ST3GAL2: variants seen among roughly 807,000 people sequenced by gnomAD.
The protein encoded by ST3GAL2 is ST3 beta-galactoside alpha-2,3-sialyltransferase 2, also known as CMP-N-acetylneuraminate-beta-galactosamide-alpha-2,3-sialyltransferase 2.
Under a neutral mutation model 37.5 loss-of-function variants are expected in ST3GAL2, and 16 were observed. That is an observed-to-expected ratio of 0.43 (90% CI 0.29 to 0.65). The LOEUF (loss-of-function observed/expected upper bound fraction) is 0.65. ST3GAL2 is among the 30% of genes least tolerant of loss of function. The pLI is 0.17. For synonymous variants in ST3GAL2, 238 were observed against 202.9 expected, an observed-to-expected ratio of 1.17 and a Z score of -1.47; for missense variants, 383 against 487.8, an observed-to-expected ratio of 0.79 and a Z score of 2.02.
chr16:70,434,989 C>G (rs985321485), intron 1 of ST3GAL2, among the ~76,000 whole-genome samples: 3 of 152,226 alleles, frequency 2.0e-5, no homozygotes, highest in African/African-American at 7.2e-5. Flanking sequence ...GGTATCCTGT[C>G]CAGTGTGCAG....
chr16:70,391,184 A>G (rs1480895215), intron 3 of ST3GAL2, among the ~76,000 whole-genome samples: 1 of 152,170 alleles, frequency 6.6e-6, no homozygotes, highest in African/African-American at 2.4e-5. Flanking sequence ...TGTGCTGTCC[A>G]GGATCACTGT....
intron 1 of ST3GAL2, among the ~76,000 whole-genome samples, chr16:70,410,240 CTTTTT>C (rs751045679): frequency 1.0e-3 from 64 of 62,618 alleles, no homozygotes; most frequent in African/African-American, 4.5e-3. Flanking sequence ...CCACCCTCAC[CTTTTT>C]TTTTTTTTTT....
At chr16:70,415,027 C>G (rs1431340656) in intron 1 of ST3GAL2, among the ~76,000 whole-genome samples, 2 of 152,118 alleles carry the variant, frequency 1.3e-5, no homozygotes, top group Non-Finnish European at 2.9e-5. Context: ...GCGTCCGCCA[C>G]CAAACCTGGC....
rs139634894 is a variant in ST3GAL2 at position 70,427,878 on chromosome 16, C to T, written c.-1004+11071G>A. Among the ~76,000 whole-genome samples the T allele has an allele frequency of 9.9e-4, 151 of 152,336 alleles. 1 individual carries two copies. The highest frequency in any genetic ancestry group is 3.4e-3 in the African/African-American group (142 of 41,578). ...CCTCCAGCAGTCCTAACCACTTAAG[C>T]CCCAGATCTACTAAACGGACCCCCT... On this transcript the variant is annotated intron_variant, in intron 1 of 6. Coordinates refer to ENST00000342907, the MANE Select transcript of ST3GAL2 (RefSeq NM_006927.4).
At chr16:70,384,646 A>T (rs961740944) in intron 4 of ST3GAL2, among the ~76,000 whole-genome samples, 4 of 146,566 alleles carry the variant, frequency 2.7e-5, no homozygotes, top group African/African-American at 5.1e-5. Context: ...CTGAGGTTGC[A>T]GTGAGCCGAC....
At position 70,435,330 on chromosome 16, in the gene ST3GAL2, T is replaced by TC. The variant is rs200833775; in HGVS notation, c.-1004+3618dup. On this transcript the variant is annotated intron_variant, in intron 1 of 6. Transcript: ENST00000342907. ...CATCTAGCTGGCTGGGCGCAGTGGT[T>TC]CACGCCTGTAATCCCAGCACTTTCG... 6.7e-3 allele frequency among the ~76,000 whole-genome samples: 1,023 copies of TC among 152,304 alleles called. 17 individuals carry two copies. The highest frequency in any genetic ancestry group is 0.022 in the African/African-American group (933 of 41,564).
chr16:70,431,336 G>T (rs2047788411), intron 1 of ST3GAL2, among the ~76,000 whole-genome samples: 1 of 152,210 alleles, frequency 6.6e-6, no homozygotes, highest in African/African-American at 2.4e-5. Flanking sequence ...CTGAGGCTGG[G>T]GGGCTGCTGC....
At chr16:70,438,799 A>C (rs965654685) in intron 1 of ST3GAL2, 150 bp downstream of exon 1, 16 of 151,986 alleles carry the variant, frequency 1.1e-4, no homozygotes, top group African/African-American at 3.9e-4. Context: ...CACACGAGGG[A>C]GCCCGGCGCC....
intron 1 of ST3GAL2, among the ~76,000 whole-genome samples, chr16:70,423,749 TCAC>T (rs2047731683): frequency 6.7e-6 from 1 of 149,132 alleles, no homozygotes; most frequent in Admixed American, 6.7e-5. Flanking sequence ...TGATCTCGGC[TCAC>T]CACAACCTCC....
intron 1 of ST3GAL2, among the ~76,000 whole-genome samples, chr16:70,420,689 T>C (rs112597104): frequency 2.0e-5 from 3 of 152,236 alleles, no homozygotes; most frequent in African/African-American, 7.2e-5. Flanking sequence ...TTTTTATTCT[T>C]TGCACGCCCT....
intron 3 of ST3GAL2, among the ~76,000 whole-genome samples, chr16:70,391,848 G>A (rs1185066531): frequency 1.3e-5 from 2 of 152,216 alleles, no homozygotes; most frequent in Non-Finnish European, 2.9e-5. Flanking sequence ...GGCTCAATCA[G>A]TTCTCTCGCC....
intron 1 of ST3GAL2, among the ~76,000 whole-genome samples, chr16:70,431,463 C>G (rs995545809): frequency 6.6e-6 from 1 of 152,196 alleles, no homozygotes; most frequent in Non-Finnish European, 1.5e-5. Flanking sequence ...TGCCACCTCC[C>G]AGGAGGACGG....
In ST3GAL2 at chr16:70,379,137, T is replaced by G. The variant is rs1345145880; in HGVS notation, c.*2552A>C. 6.6e-6 allele frequency: 1 copy of G among 152,230 alleles called. No homozygotes were observed. Among genetic ancestry groups the G allele is most frequent in the South Asian group, 2.1e-4 (1 of 4,832 alleles). The allele number at this position is 152,230 out of a possible 1,614,324, so 9.4% of individuals were successfully genotyped here. On this transcript the variant is annotated 3_prime_UTR_variant, in exon 7 of 7. Transcript: ENST00000342907. ...TGAGAGGTGGGGACAGCCCAGCCTG[T>G]GGCCACCCAAATGTATCGGAGCCTG...
intron 1 of ST3GAL2, among the ~76,000 whole-genome samples, chr16:70,413,885 G>A (rs867879960): frequency 1.2e-4 from 19 of 152,130 alleles, no homozygotes; most frequent in Middle Eastern, 3.4e-3. Context: ...GCTCCAAATG[G>A]AACACTTTAT....
intron 1 of ST3GAL2, among the ~76,000 whole-genome samples, chr16:70,420,483 G>A (rs2047707576): frequency 6.6e-6 from 1 of 152,140 alleles, no homozygotes; most frequent in Admixed American, 6.5e-5. Context: ...GTCTGGAGAG[G>A]ATTCCTGGTG....
intron 1 of ST3GAL2, among the ~76,000 whole-genome samples, chr16:70,431,239 A>T (rs1368427084): frequency 1.3e-5 from 2 of 152,052 alleles, no homozygotes; most frequent in African/African-American, 4.8e-5. Context: ...TATCTTGTTG[A>T]TTTTTCCACA....
chr16:70,409,805 ATTTT>A (rs980660367), intron 1 of ST3GAL2, among the ~76,000 whole-genome samples: 2 of 129,058 alleles, frequency 1.5e-5, no homozygotes, highest in Admixed American at 7.8e-5. Context: ...ACCTGGCTAA[ATTTT>A]TTTTTTTTTT....
At chr16:70,435,127 T>G (rs1276485570) in intron 1 of ST3GAL2, among the ~76,000 whole-genome samples, 1 of 152,180 alleles carries the variant, frequency 6.6e-6, no homozygotes, top group East Asian at 1.9e-4. Context: ...TCCAAAGCCA[T>G]GGCTCCTAAA....
intron 6 of ST3GAL2, among the ~76,000 whole-genome samples, 159 bp from the exon 7 acceptor site, chr16:70,382,021 C>T (rs2047409691): frequency 6.6e-6 from 1 of 151,314 alleles, no homozygotes; most frequent in Non-Finnish European, 1.5e-5. Flanking sequence ...GGGGACACCA[C>T]CTTCCCTTTG....
Sources: gnomAD v4.1 joint callset for allele counts (sites outside exome capture counted in the v4.1 genomes callset) on GRCh38, gnomAD v4.1.1 for gene constraint, MANE v1.5 for transcripts, NCBI Gene and HGNC (gene_info 2026-07-23, HGNC 2026-07-21) for gene names.